The following DPYD variants were observed in gnomAD, a reference collection of about 807,000 sequenced individuals.
DPYD encodes the protein dihydropyrimidine dehydrogenase.
In DPYD, 109 loss-of-function variants were observed where a neutral mutation model predicts 116.2. The observed-to-expected ratio is 0.94, with a 90% confidence interval of 0.80 to 1.10. The LOEUF (loss-of-function observed/expected upper bound fraction) is 1.10, where lower values mean the gene tolerates loss of function less well. Ranked by LOEUF, DPYD falls within the 50% of genes least tolerant of loss-of-function variation. The pLI, the probability that DPYD is intolerant of heterozygous loss-of-function variation, is 0.00. For missense variants in DPYD, 1,302 were observed against 1,254.5 expected (o/e 1.04, Z -0.57); for synonymous variants, 440 against 432.0 (o/e 1.02, Z -0.23).
At chr1:97,249,250 G>C (rs564082039) in intron 18 of DPYD, among the ~76,000 whole-genome samples, 3 of 151,768 alleles carry the variant, frequency 2.0e-5, no homozygotes, top group Admixed American at 6.6e-5. Context: ...ATAAGTGAAA[G>C]AGAACGGAGT....
intron 3 of DPYD, among the ~76,000 whole-genome samples, chr1:97,789,908 CTT>C (rs982829582): frequency 1.3e-5 from 2 of 152,056 alleles, no homozygotes; most frequent in African/African-American, 4.8e-5. Flanking sequence ...TGCTTTAAGT[CTT>C]TGATAGACTT....
intron 8 of DPYD, among the ~76,000 whole-genome samples, chr1:97,641,336 A>G (rs1040184408): frequency 9.2e-5 from 14 of 152,166 alleles, no homozygotes; most frequent in Admixed American, 3.3e-4. Flanking sequence ...TGCAGAGGAA[A>G]GGAAGGGGAT....
At position 97,107,217 on chromosome 1, in the gene DPYD, C is replaced by T. The variant is rs538949690; in HGVS notation, c.2623-8585G>A. On this transcript the variant is annotated intron_variant, in intron 20 of 22. Coordinates refer to ENST00000370192, the MANE Select transcript of DPYD (RefSeq NM_000110.4). ...TTGGTCATCTTTCTGCAGATGACCC[C>T]TCCTTTATCACCATCCCCTGCTCAA... Among the ~76,000 whole-genome samples the T allele has an allele frequency of 5.9e-5, 9 of 152,206 alleles. No homozygotes were observed. The East Asian group carries it at 1.4e-3, about 23-fold the overall frequency.
At chr1:97,772,984 G>A (rs1287834128) in intron 3 of DPYD, among the ~76,000 whole-genome samples, 1 of 152,166 alleles carries the variant, frequency 6.6e-6, no homozygotes, top group Non-Finnish European at 1.5e-5. Flanking sequence ...GATTCACTTG[G>A]AGAGTAGAAA....
chr1:97,912,067 G>A (rs188682150), intron 1 of DPYD, among the ~76,000 whole-genome samples: 4 of 152,206 alleles, frequency 2.6e-5, no homozygotes, highest in Admixed American at 2.6e-4. Flanking sequence ...TCAGTGTTAG[G>A]AAGATGAGGC....
intron 16 of DPYD, among the ~76,000 whole-genome samples, chr1:97,365,222 G>T (rs1670963191): frequency 6.6e-6 from 1 of 152,050 alleles, no homozygotes; most frequent in African/African-American, 2.4e-5. Flanking sequence ...ACTCAGTCTT[G>T]TCCACCAGTT....
In DPYD at chr1:97,466,509, G is replaced by A. The variant is rs114984622; in HGVS notation, c.1741-16286C>T. On this transcript the variant is annotated intron_variant, in intron 13 of 22. Transcript: ENST00000370192. ...AGTCAGTCACTTAGATGCCTGTCTC[G>A]GTGTCAAGATTGATAAAAGCATCTC... Among the ~76,000 whole-genome samples the A allele has an allele frequency of 4.5e-3, 675 of 151,646 alleles. 8 individuals are homozygous for A. The highest frequency in any genetic ancestry group is 0.015 in the African/African-American group (636 of 41,262).
chr1:97,653,752 AAGGG>A (rs1188254457), intron 8 of DPYD, among the ~76,000 whole-genome samples: 1 of 152,006 alleles, frequency 6.6e-6, no homozygotes, highest in Non-Finnish European at 1.5e-5. Flanking sequence ...TTTTATAGGG[AAGGG>A]TCTGCAATAT....
chr1:97,384,837 C>T (rs1672225667), intron 14 of DPYD, among the ~76,000 whole-genome samples: 1 of 151,200 alleles, frequency 6.6e-6, no homozygotes. Flanking sequence ...AATATGGAAG[C>T]CAGAAGAAAC....
intron 20 of DPYD, among the ~76,000 whole-genome samples, chr1:97,165,356 T>G (rs552048524): frequency 2.0e-5 from 3 of 152,146 alleles, no homozygotes; most frequent in African/African-American, 4.8e-5. Flanking sequence ...TAAATGATGC[T>G]GAGATAAATG....
At chr1:97,163,888 C>T (rs1656114102) in intron 20 of DPYD, among the ~76,000 whole-genome samples, 1 of 152,150 alleles carries the variant, frequency 6.6e-6, no homozygotes, top group African/African-American at 2.4e-5. Flanking sequence ...GATTGAGAGA[C>T]AACTTTCTGG....
chr1:97,470,974 G>A (rs1192327764), intron 13 of DPYD, among the ~76,000 whole-genome samples: 2 of 151,804 alleles, frequency 1.3e-5, no homozygotes, highest in Non-Finnish European at 1.5e-5. Context: ...TGGGCAACAA[G>A]AGCAAGACTT....
intron 16 of DPYD, among the ~76,000 whole-genome samples, chr1:97,350,027 A>C (rs143980315): frequency 2.5e-4 from 38 of 152,264 alleles, no homozygotes; most frequent in African/African-American, 9.1e-4. Context: ...TTAAAGAAAC[A>C]GAAAGACAAA....
At chr1:97,408,071 T>C (rs1033961758) in intron 14 of DPYD, among the ~76,000 whole-genome samples, 1 of 152,128 alleles carries the variant, frequency 6.6e-6, no homozygotes, top group Non-Finnish European at 1.5e-5. Flanking sequence ...GGGCATCTCT[T>C]ACTATTACCA....
chr1:97,767,638 A>C (rs2101148050), intron 3 of DPYD, among the ~76,000 whole-genome samples: 1 of 152,260 alleles, frequency 6.6e-6, no homozygotes, highest in East Asian at 1.9e-4. Flanking sequence ...CAAATGTGTG[A>C]AAGAGTTCAG....
intron 2 of DPYD, among the ~76,000 whole-genome samples, chr1:97,875,758 C>T (rs576064436): frequency 3.4e-4 from 52 of 151,958 alleles, no homozygotes; most frequent in South Asian, 8.3e-4. Flanking sequence ...GACACACACG[C>T]AAAATTATTA....
intron 19 of DPYD, among the ~76,000 whole-genome samples, chr1:97,203,171 C>T (rs1659328922): frequency 1.3e-5 from 2 of 152,064 alleles, no homozygotes; most frequent in Non-Finnish European, 2.9e-5. Flanking sequence ...CAGCAATTTT[C>T]AATTACTCTG....
At chr1:97,791,907 GA>G (rs989844162) in intron 3 of DPYD, among the ~76,000 whole-genome samples, 1 of 152,008 alleles carries the variant, frequency 6.6e-6, no homozygotes, top group East Asian at 1.9e-4. Flanking sequence ...GGGTAAAAAA[GA>G]AAAAAACCCA....
In DPYD at chr1:97,203,793, CAAAAAAAAAAAAAA is replaced by C. The variant is rs56819543; in HGVS notation, c.2443-10559_2443-10546del. Among the ~76,000 whole-genome samples the C allele has an allele frequency of 5.2e-4, 34 of 65,720 alleles. 1 individual carries two copies. The highest frequency in any genetic ancestry group is 1.6e-3 in the African/African-American group (28 of 16,998). The allele number at this position is 65,720 out of a possible 152,430, so 43.1% of individuals were successfully genotyped here. A position where few individuals can be genotyped will look rare whatever the true frequency, so the allele number is the denominator to read the frequency against. On this transcript the variant is annotated intron_variant, in intron 19 of 22. Coordinates refer to ENST00000370192, the MANE Select transcript of DPYD (RefSeq NM_000110.4). ...AATAACTAAGCAGACATTCACATTC[CAAAAAAAAAAAAAA>C]AAAAAAAAAAAGAACAACTCACCTA...
Sources: allele counts gnomAD v4.1 joint callset (sites outside exome capture counted in the v4.1 genomes callset), GRCh38; gene constraint gnomAD v4.1.1; transcripts MANE v1.5; gene names NCBI Gene and HGNC (gene_info 2026-07-23, HGNC 2026-07-21).